The following TBC1D31 variants were observed in gnomAD, a reference collection of about 807,000 sequenced individuals.
TBC1D31 encodes TBC1 domain family member 31.
TBC1D31 carries 99 observed loss-of-function variants against 132.9 expected under a neutral mutation model. The observed-to-expected ratio is 0.74, with a 90% CI of 0.63 to 0.88. The LOEUF is 0.88. Among genes scored for constraint, TBC1D31 ranks in the 40% least tolerant of loss-of-function variants. The probability of loss-of-function intolerance (pLI) is 0.00; values close to 1 mark genes in which losing one functional copy is unlikely to be tolerated. For synonymous variants in TBC1D31, 385 were observed against 419.4 expected (o/e 0.92, Z 1.00); for missense variants, 1,134 against 1,256.6 (o/e 0.90, Z 1.48).
At chr8:123,160,242 T>A in the TBC1D31 span, among the ~76,000 whole-genome samples, 3 of 152,216 alleles carry the variant, frequency 2.0e-5, no homozygotes, top group Admixed American at 6.5e-5. Context: ...TTTTGTAGAA[T>A]GCCCCTCAAT....
chr8:123,080,814 C>T (rs1304785787), intron 2 of TBC1D31, among the ~76,000 whole-genome samples: 5 of 152,126 alleles, frequency 3.3e-5, no homozygotes, highest in Non-Finnish European at 5.9e-5. Flanking sequence ...GGATTAGAGG[C>T]GTGAGCCACC....
At chr8:123,079,018 A>G (rs1322139093) in intron 2 of TBC1D31, among the ~76,000 whole-genome samples, 1 of 152,242 alleles carries the variant, frequency 6.6e-6, no homozygotes, top group Non-Finnish European at 1.5e-5. Context: ...CATTTCTGTG[A>G]TATTCCTCCC....
At chr8:123,109,169 G>T in intron 8 of TBC1D31, 148 bp from the exon 9 acceptor site, 1 of 601,826 alleles carries the variant, frequency 1.7e-6, no homozygotes, top group Non-Finnish European at 2.9e-6. Flanking sequence ...GGGAGAGAGG[G>T]GAGTGGGGAA....
intron 16 of TBC1D31, 146 bp downstream of exon 16, chr8:123,130,479 C>T (rs867878414): frequency 1.4e-6 from 1 of 694,018 alleles, no homozygotes; most frequent in Middle Eastern, 4.3e-4. Context: ...TTCCCCTCAG[C>T]TTTCTCATTC....
chr8:123,127,059 A>C (rs919938487), intron 13 of TBC1D31, among the ~76,000 whole-genome samples: 4 of 151,976 alleles, frequency 2.6e-5, no homozygotes, highest in African/African-American at 9.7e-5. Flanking sequence ...TTTCAATTGA[A>C]AAATCCATTT....
Position 123,132,403 on chromosome 8 carries a change from C to CTTT in TBC1D31, c.2407-1685_2407-1683dup, listed in dbSNP as rs34901750. On this transcript the variant is annotated intron_variant, in intron 16 of 21. Coordinates refer to ENST00000287380, the MANE Select transcript of TBC1D31 (RefSeq NM_145647.4). ...ATAAAATACTAAGTATTTTTTAAGT[C>CTTT]TTTTTTTTTTTTTTTTTTTTTTTTT... 3.6e-3 allele frequency among the ~76,000 whole-genome samples: 199 copies of CTTT among 55,448 alleles called. 27 individuals carry two copies. The highest frequency in any genetic ancestry group is 0.014 in the Middle Eastern group (1 of 70). The allele number at this position is 55,448 out of a possible 152,430, so 36.4% of individuals were successfully genotyped here.
chr8:123,151,610 A>G (rs1193355445), intron 21 of TBC1D31, among the ~76,000 whole-genome samples, 196 bp from the exon 22 acceptor site: 1 of 152,232 alleles, frequency 6.6e-6, no homozygotes, highest in Non-Finnish European at 1.5e-5. Flanking sequence ...GTTCTCTGTT[A>G]GCATTCATTC....
intron 6 of TBC1D31, among the ~76,000 whole-genome samples, chr8:123,100,351 A>G (rs148360102): frequency 4.4e-3 from 664 of 152,212 alleles, no homozygotes; most frequent in African/African-American, 0.015. Context: ...CGAGGCAGGC[A>G]GATCACCTGA....
In TBC1D31 at chr8:123,129,170, G is replaced by A. The variant is rs1192407110; in HGVS notation, c.2222G>A (p.Arg741Lys). Residue 741 changes from arginine (R) to lysine (K), a missense_variant, in exon 15 of 22, where the codon AGA becomes AAA. Transcript: ENST00000287380. ...ELLRKAEETRREMLLQEEEKM... is the reference protein window; with the variant it reads ...ELLRKAEETRKEMLLQEEEKM... ...CTTCGTAAAGCTGAAGAAACAAGAA[G>A]AGAAATGCTCTTACAAGAGGAGGAG... 1 of 1,607,168 alleles carries A rather than the reference G, an allele frequency of 6.2e-7. No individual in the cohort carries two copies. Among genetic ancestry groups the A allele is most frequent in the African/African-American group, 1.3e-5 (1 of 74,802 alleles).
downstream of TBC1D31, among the ~76,000 whole-genome samples, chr8:123,155,346 T>C (rs1310033526): frequency 6.6e-6 from 1 of 152,094 alleles, no homozygotes; most frequent in Non-Finnish European, 1.5e-5. This position sits in a 1 kb window ranked among gnomAD's most constrained non-coding sequence, Gnocchi z 4.1. Flanking sequence ...CCACCACAGA[T>C]GTGTTCCCTG....
chr8:123,099,154 C>T (rs928673923), intron 6 of TBC1D31, among the ~76,000 whole-genome samples: 1 of 152,172 alleles, frequency 6.6e-6, no homozygotes, highest in Admixed American at 6.5e-5. Flanking sequence ...GAGTCTCGCT[C>T]TGTCACCCAG....
Position 123,077,139 on chromosome 8 carries a change from T to TC in TBC1D31, c.108dup (p.Asp37ArgfsTer15). On this transcript the variant is annotated frameshift_variant, in exon 2 of 22. Coordinates refer to ENST00000287380, the MANE Select transcript of TBC1D31 (RefSeq NM_145647.4). LOFTEE classifies it high-confidence loss of function. The stretch of plus-strand genomic sequence containing the variant: ...TATAGTGAACATTATTCACAACACT[T>TC]CCGATTACCATCCAAAAGTTTTGCG... 1 of 1,612,444 alleles carries TC rather than the reference T, an allele frequency of 6.2e-7. No homozygotes were observed. The highest frequency in any genetic ancestry group is 1.7e-5 in the Admixed American group (1 of 59,644).
intron 8 of TBC1D31, among the ~76,000 whole-genome samples, chr8:123,107,929 C>A (rs542216365): frequency 1.3e-5 from 2 of 152,324 alleles, no homozygotes; most frequent in Admixed American, 1.3e-4. Context: ...CCAAACTCCC[C>A]AGGGCATCTT....
the TBC1D31 span, among the ~76,000 whole-genome samples, chr8:123,164,240 A>G: frequency 2.0e-5 from 3 of 152,202 alleles, no homozygotes; most frequent in Admixed American, 2.0e-4. Context: ...AAGAGTCACA[A>G]CAGCCCAAGG....
chr8:123,120,864 A>T (rs1293171700), intron 11 of TBC1D31, among the ~76,000 whole-genome samples: 1 of 151,938 alleles, frequency 6.6e-6, no homozygotes, highest in Non-Finnish European at 1.5e-5. Flanking sequence ...TATTTTTATA[A>T]ATTAAATTTC....
At chr8:123,105,957 C>G (rs192318325) in intron 8 of TBC1D31, among the ~76,000 whole-genome samples, 4 of 151,928 alleles carry the variant, frequency 2.6e-5, no homozygotes, top group African/African-American at 9.7e-5. Context: ...AATAACTACT[C>G]GACTGATACA....
At position 123,109,454 on chromosome 8, in the gene TBC1D31, A is replaced by G. The variant is rs748938977; in HGVS notation, c.1290-20A>G. 1.1e-5 allele frequency: 17 copies of G among 1,610,326 alleles called. No individual in the cohort carries two copies. Among genetic ancestry groups the G allele is most frequent in the African/African-American group, 1.3e-5 (1 of 74,658 alleles). ...TTACTCAAAAAAAATTGGGGGGATT[A>G]AAATATATTTTTATTTCAGAATGTT... On this transcript the variant is annotated intron_variant, in intron 9 of 21. Coordinates refer to ENST00000287380, the MANE Select transcript of TBC1D31 (RefSeq NM_145647.4).
At chr8:123,128,632 T>C (rs1016363126) in intron 14 of TBC1D31, 119 bp downstream of exon 14, 53 of 743,590 alleles carry the variant, frequency 7.1e-5, no homozygotes, top group Non-Finnish European at 1.1e-4. Context: ...GTCCCAGCAC[T>C]TTGGGAGGCC....
At position 123,097,278 on chromosome 8, in the gene TBC1D31, A is replaced by G. The variant is rs1022250352; in HGVS notation, c.672-4A>G. 30 of 1,613,464 alleles carry G rather than the reference A, an allele frequency of 1.9e-5. No individual in the cohort carries two copies. The highest frequency in any genetic ancestry group is 2.5e-5 in the Non-Finnish European group (30 of 1,179,864). ...TTTTCTTTCTCACTTTTTTGTTTATATAGAGATGGCCGAATCCTGGCTGCT... is the reference window on the plus strand; with the variant it reads ...TTTTCTTTCTCACTTTTTTGTTTATGTAGAGATGGCCGAATCCTGGCTGCT... On this transcript the variant is annotated splice_region_variant and splice_polypyrimidine_tract_variant and intron_variant, in intron 5 of 21. Coordinates refer to ENST00000287380, the MANE Select transcript of TBC1D31 (RefSeq NM_145647.4).
Sources: gnomAD v4.1 joint callset for allele counts (sites outside exome capture counted in the v4.1 genomes callset) on GRCh38, gnomAD v4.1.1 for gene constraint, Gnocchi (gnomAD v3.1) non-coding constraint, MANE v1.5 for transcripts, NCBI Gene and HGNC (gene_info 2026-07-23, HGNC 2026-07-21) for gene names.